SLAMF1: variants seen among roughly 807,000 people sequenced by gnomAD.
SLAMF1 encodes signaling lymphocytic activation molecule family member 1, also known as signaling lymphocytic activation molecule.
Under a neutral mutation model 35.1 loss-of-function variants are expected in SLAMF1, and 18 were observed. That is an observed-to-expected ratio of 0.51 (90% CI 0.35 to 0.76). SLAMF1 has a LOEUF of 0.76. SLAMF1 is among the 30% of genes least tolerant of loss of function. The pLI is 0.01. For missense variants in SLAMF1, 392 were observed against 413.0 expected (o/e 0.95, Z 0.44); for synonymous variants, 168 against 157.2 (o/e 1.07, Z -0.51).
intron 2 of SLAMF1, 76 bp from the exon 3 acceptor site, chr1:160,634,973 C>A (rs534419827): frequency 7.6e-7 from 1 of 1,316,864 alleles, no homozygotes; most frequent in African/African-American, 1.5e-5. Context: ...TTTGTTAGAA[C>A]AAAGTACAGC....
At chr1:160,629,762 C>G (rs540411795) in intron 3 of SLAMF1, among the ~76,000 whole-genome samples, 1 of 152,328 alleles carries the variant, frequency 6.6e-6, no homozygotes, top group Non-Finnish European at 1.5e-5. Flanking sequence ...CAGCTAGGAG[C>G]TATGTGTCTC....
intron 4 of SLAMF1, among the ~76,000 whole-genome samples, chr1:160,621,480 G>A (rs751937523): frequency 6.1e-5 from 9 of 147,196 alleles, no homozygotes; most frequent in Non-Finnish European, 1.2e-4. Context: ...AACTGCTTGA[G>A]CCCAGGAGAC....
In SLAMF1 at chr1:160,637,337, C is replaced by A. The variant is rs772545709; in HGVS notation, c.269G>T (p.Arg90Leu). The A allele has an allele frequency of 1.2e-6, 2 of 1,613,950 alleles. No individual in the cohort carries two copies. Among genetic ancestry groups the A allele is most frequent in the Non-Finnish European group, 1.7e-6 (2 of 1,179,962 alleles). ...AAACTTGTAGCGATCTCCTAGATAA[C>A]GTGGAGGGCCTGCTTCGGATGGATC... The part of the protein sequence containing the change: ...SLDPSEAGPP[R>L]YLGDRYKFYL... The change falls in exon 2 of 7, where the codon CGT becomes CTT. Residue 90 changes from arginine (R) to leucine (L), a missense_variant. Transcript: ENST00000302035.
At chr1:160,622,817 A>G (rs1659690345) in intron 4 of SLAMF1, among the ~76,000 whole-genome samples, 1 of 152,360 alleles carries the variant, frequency 6.6e-6, no homozygotes, top group East Asian at 1.9e-4. Context: ...CCTGGACATG[A>G]AATTGCCAAA....
chr1:160,639,260 C>T (rs1660617395), intron 1 of SLAMF1, among the ~76,000 whole-genome samples: 1 of 152,056 alleles, frequency 6.6e-6, no homozygotes, highest in Non-Finnish European at 1.5e-5. Context: ...GAGTCTTGTG[C>T]TGTCGCCCAG....
At chr1:160,629,454 C>T (rs1483721103) in intron 3 of SLAMF1, among the ~76,000 whole-genome samples, 1 of 151,998 alleles carries the variant, frequency 6.6e-6, no homozygotes, top group Non-Finnish European at 1.5e-5. Context: ...GGGAGCGTGC[C>T]GGATCTCCTT....
At position 160,610,685 on chromosome 1, in the gene SLAMF1, AGTTCAGT is replaced by A; in HGVS notation, c.*56_*62del. The A allele has an allele frequency of 1.6e-6, 2 of 1,273,658 alleles. No homozygotes were observed. The highest frequency in any genetic ancestry group is 2.3e-6 in the Non-Finnish European group (2 of 870,664). The allele number at this position is 1,273,658 out of a possible 1,614,324, so 78.9% of individuals were successfully genotyped here. On this transcript the variant is annotated 3_prime_UTR_variant, in exon 7 of 7. Coordinates refer to ENST00000302035, the MANE Select transcript of SLAMF1 (RefSeq NM_003037.5). The stretch of plus-strand genomic sequence containing the variant: ...AGAGGAAACTTGGGGCCTGTGGCCA[AGTTCAGT>A]GTTCATTTTGGTTTTTCCATTTTCC...
intron 5 of SLAMF1, among the ~76,000 whole-genome samples, chr1:160,612,985 A>C (rs1279125453): frequency 6.6e-6 from 1 of 152,192 alleles, no homozygotes; most frequent in Non-Finnish European, 1.5e-5. Context: ...CCACACTGCC[A>C]TTCCTACTCT....
At chr1:160,643,679 A>T (rs746983820) in intron 1 of SLAMF1, among the ~76,000 whole-genome samples, 10 of 152,210 alleles carry the variant, frequency 6.6e-5, no homozygotes, top group Admixed American at 4.6e-4. Flanking sequence ...GTGCTGTCTG[A>T]TACACTCACA....
intron 3 of SLAMF1, among the ~76,000 whole-genome samples, chr1:160,629,469 C>T (rs919159001): frequency 2.6e-5 from 4 of 152,136 alleles, no homozygotes; most frequent in African/African-American, 9.7e-5. Context: ...CTCCTTCCTG[C>T]CTTTCATGTG....
intron 5 of SLAMF1, among the ~76,000 whole-genome samples, chr1:160,612,887 C>T (rs1479141969): frequency 6.6e-6 from 1 of 152,150 alleles, no homozygotes; most frequent in African/African-American, 2.4e-5. Flanking sequence ...TGGTGTGGCT[C>T]TTACAGGGGC....
At chr1:160,613,453 T>C (rs567927772) in intron 5 of SLAMF1, among the ~76,000 whole-genome samples, 1 of 152,338 alleles carries the variant, frequency 6.6e-6, no homozygotes, top group East Asian at 1.9e-4. Context: ...CGAATTAAAA[T>C]CCACAATTCC....
chr1:160,616,762 C>T (rs145948374), intron 5 of SLAMF1, among the ~76,000 whole-genome samples: 21 of 152,294 alleles, frequency 1.4e-4, no homozygotes, highest in African/African-American at 4.3e-4. Context: ...AGTTGTTCAA[C>T]TTCCTTAATA....
At chr1:160,644,481 T>G (rs984826677) in intron 1 of SLAMF1, among the ~76,000 whole-genome samples, 1 of 152,234 alleles carries the variant, frequency 6.6e-6, no homozygotes, top group Non-Finnish European at 1.5e-5. Flanking sequence ...ATGGCAAGTA[T>G]GCAGTATATA....
chr1:160,626,598 T>C (rs1659893452), intron 3 of SLAMF1, among the ~76,000 whole-genome samples: 1 of 152,182 alleles, frequency 6.6e-6, no homozygotes, highest in Non-Finnish European at 1.5e-5. Flanking sequence ...TAATTTTATT[T>C]TGAGGACACT....
Position 160,646,914 on chromosome 1 carries a change from A to G in SLAMF1, c.32T>C (p.Phe11Ser). 6.2e-7 allele frequency: 1 copy of G among 1,607,014 alleles called. No individual in the cohort carries two copies. The highest frequency in any genetic ancestry group is 1.1e-5 in the South Asian group (1 of 90,862). ...AAAAGCCAGGGAGAGAAACAGCACG[A>G]AGGTCAAGGAGAGGAGCCCCTTGGG... The part of the protein sequence containing the change: MDPKGLLSLT[F>S]VLFLSLAFGA... Residue 11 changes from phenylalanine (F) to serine (S), a missense_variant, in exon 1 of 7, where the codon TTC becomes TCC. By Grantham distance (155) the Phe-to-Ser change is radical. Coordinates refer to ENST00000302035, the MANE Select transcript of SLAMF1 (RefSeq NM_003037.5).
chr1:160,611,482 C>T (rs1302032695), intron 6 of SLAMF1, among the ~76,000 whole-genome samples: 1 of 152,150 alleles, frequency 6.6e-6, no homozygotes, highest in Non-Finnish European at 1.5e-5. Context: ...TATAGGGCAC[C>T]TGCCCAGGCA....
intron 5 of SLAMF1, among the ~76,000 whole-genome samples, chr1:160,616,714 T>A (rs1659318537): frequency 2.0e-5 from 3 of 152,234 alleles, no homozygotes; most frequent in Non-Finnish European, 4.4e-5. Flanking sequence ...ATGGGCACTT[T>A]AAGAAAGAAT....
intron 5 of SLAMF1, among the ~76,000 whole-genome samples, chr1:160,618,345 G>A (rs1393385002): frequency 6.6e-6 from 1 of 151,890 alleles, no homozygotes; most frequent in East Asian, 1.9e-4. Flanking sequence ...GTATTTTTTT[G>A]GTCAGAGTTG....
Sources: gnomAD v4.1 joint callset for allele counts (sites outside exome capture counted in the v4.1 genomes callset) on GRCh38, gnomAD v4.1.1 for gene constraint, MANE v1.5 for transcripts, NCBI Gene and HGNC (gene_info 2026-07-23, HGNC 2026-07-21) for gene names.